The following ARHGAP12 variants were observed in gnomAD, a reference collection of about 807,000 sequenced individuals.
The protein encoded by ARHGAP12 is rho GTPase-activating protein 12.
ARHGAP12 carries 64 observed loss-of-function variants against 108.6 expected under a neutral mutation model. The ratio of observed to expected loss-of-function variants is 0.59; its 90% CI spans 0.48 to 0.73. The LOEUF (loss-of-function observed/expected upper bound fraction) is 0.73. ARHGAP12 is among the 30% of genes least tolerant of loss of function. The probability of loss-of-function intolerance (pLI) is 0.00; values close to 1 mark genes in which losing one functional copy is unlikely to be tolerated. For synonymous variants in ARHGAP12, 312 were observed against 337.2 expected, an observed-to-expected ratio of 0.93 and a Z score of 0.82; for missense variants, 940 against 1,005.9, an observed-to-expected ratio of 0.93 and a Z score of 0.89.
chr10:31,915,224 TA>T (rs1839505416), intron 1 of ARHGAP12, among the ~76,000 whole-genome samples: 1 of 152,018 alleles, frequency 6.6e-6, no homozygotes, highest in Non-Finnish European at 1.5e-5. Flanking sequence ...CCGTCTCTAC[TA>T]AAAATACAAA....
chr10:31,925,763 A>G (rs1427363850), intron 1 of ARHGAP12, among the ~76,000 whole-genome samples: 1 of 152,254 alleles, frequency 6.6e-6, no homozygotes, highest in Admixed American at 6.5e-5. Context: ...TTTAGACTCC[A>G]AAACTGTTGT....
chr10:31,891,796 C>A (rs1030090455), intron 3 of ARHGAP12, among the ~76,000 whole-genome samples: 1 of 152,074 alleles, frequency 6.6e-6, no homozygotes, highest in African/African-American at 2.4e-5. Context: ...ATTCTTTTTT[C>A]TCTAAACTTC....
chr10:31,852,117 A>G (rs763831100), intron 6 of ARHGAP12, among the ~76,000 whole-genome samples: 8 of 152,212 alleles, frequency 5.3e-5, no homozygotes, highest in African/African-American at 1.2e-4. Context: ...CACCATTTAC[A>G]TAAGAGGATA....
chr10:31,899,482 A>T (rs1251719603), intron 3 of ARHGAP12, among the ~76,000 whole-genome samples: 3 of 152,234 alleles, frequency 2.0e-5, no homozygotes, highest in Non-Finnish European at 4.4e-5. Flanking sequence ...TACTTTCAAC[A>T]CTTACTATAA....
chr10:31,837,677 T>G (rs1346049729), intron 9 of ARHGAP12, among the ~76,000 whole-genome samples: 1 of 152,194 alleles, frequency 6.6e-6, no homozygotes, highest in Non-Finnish European at 1.5e-5. Flanking sequence ...AACCCCTGAT[T>G]AGTGCCAAAA....
At chr10:31,809,440 T>G in intron 16 of ARHGAP12, 133 bp from the exon 17 acceptor site, 1 of 774,284 alleles carries the variant, frequency 1.3e-6, no homozygotes, top group African/African-American at 1.7e-5. Context: ...ATTCTTTTTC[T>G]CTAAATGGCT....
intron 3 of ARHGAP12, among the ~76,000 whole-genome samples, chr10:31,893,516 G>A (rs549315130): frequency 6.6e-6 from 1 of 152,180 alleles, no homozygotes; most frequent in Non-Finnish European, 1.5e-5. Context: ...TAAATTCCTC[G>A]ACTCATACAC....
chr10:31,904,489 AC>A (rs1293137283), intron 3 of ARHGAP12, among the ~76,000 whole-genome samples: 3 of 152,192 alleles, frequency 2.0e-5, no homozygotes, highest in Admixed American at 6.5e-5. Context: ...AGGGCAACAT[AC>A]AGGATTCCCG....
In ARHGAP12 at chr10:31,808,681, G is replaced by T; in HGVS notation, c.2334C>A (p.Asp778Glu). ...LIRQLPKPNQ[D>E]TMQILFRHLR... The stretch of plus-strand genomic sequence containing the variant: ...GATGTCGGAAAAGAATCTGCATTGT[G>T]TCTTGGTTTGGCTTTGGCAACTGTC... Residue 778 changes from aspartate to glutamate, a missense_variant, in exon 19 of 20, where the codon GAC (aspartate) becomes GAA (glutamate). Coordinates refer to ENST00000344936, the MANE Select transcript of ARHGAP12 (RefSeq NM_018287.7). The T allele has an allele frequency of 6.2e-7, 1 of 1,613,622 alleles. No individual in the cohort carries two copies.
intron 3 of ARHGAP12, among the ~76,000 whole-genome samples, chr10:31,868,690 C>G (rs948609054): frequency 1.3e-5 from 2 of 151,830 alleles, no homozygotes; most frequent in Admixed American, 6.6e-5. Flanking sequence ...AATCCCAGCA[C>G]CTTGGGAGGT....
At chr10:31,873,999 A>G (rs991575419) in intron 3 of ARHGAP12, among the ~76,000 whole-genome samples, 3 of 152,218 alleles carry the variant, frequency 2.0e-5, no homozygotes, top group African/African-American at 7.2e-5. Flanking sequence ...CTCTATCATC[A>G]GCATTCAGAG....
chr10:31,893,431 A>T (rs1427740118), intron 3 of ARHGAP12, among the ~76,000 whole-genome samples: 1 of 152,260 alleles, frequency 6.6e-6, no homozygotes, highest in East Asian at 1.9e-4. Context: ...CCGATCCCAC[A>T]GAAATACAAA....
chr10:31,810,972 C>T (rs1181890480), intron 15 of ARHGAP12, among the ~76,000 whole-genome samples: 1 of 152,180 alleles, frequency 6.6e-6, no homozygotes, highest in Non-Finnish European at 1.5e-5. Context: ...ATTCTTTGTA[C>T]TTTCTACTGC....
At chr10:31,821,584 C>T (rs1835419680) in intron 11 of ARHGAP12, among the ~76,000 whole-genome samples, 1 of 152,108 alleles carries the variant, frequency 6.6e-6, no homozygotes, top group African/African-American at 2.4e-5. Flanking sequence ...TTTGTGATAA[C>T]TTATTCACTA....
chr10:31,915,013 C>A (rs770205835), intron 1 of ARHGAP12, among the ~76,000 whole-genome samples: 1 of 152,172 alleles, frequency 6.6e-6, no homozygotes, highest in Non-Finnish European at 1.5e-5. Flanking sequence ...GTGGACGTTA[C>A]GTTGAATGAA....
rs200030472 is a variant in ARHGAP12 at position 31,908,636 on chromosome 10, G to T, written c.220C>A (p.Arg74Ser). 6.2e-7 allele frequency: 1 copy of T among 1,614,002 alleles called. No homozygotes were observed. The highest frequency in any genetic ancestry group is 1.3e-5 in the African/African-American group (1 of 74,882). Reference protein sequence around the residue: ...VPAQYVKEVTRKALMPPVKQV... With the variant: ...VPAQYVKEVTSKALMPPVKQV... ...TTAACAGGTGGCATGAGAGCTTTGCGCGTGACCTCCTTCACATACTGGGCT... is the reference window on the plus strand; with the variant it reads ...TTAACAGGTGGCATGAGAGCTTTGCTCGTGACCTCCTTCACATACTGGGCT... The change falls in exon 3 of 20, where the codon CGC (arginine) becomes AGC (serine). Residue 74 changes from arginine to serine, a missense_variant. Transcript: ENST00000344936.
chr10:31,874,698 G>A (rs1837659180), intron 3 of ARHGAP12, among the ~76,000 whole-genome samples: 1 of 152,004 alleles, frequency 6.6e-6, no homozygotes, highest in African/African-American at 2.4e-5. Flanking sequence ...TTCAGTCCAG[G>A]TGCAGTGGCT....
intron 9 of ARHGAP12, among the ~76,000 whole-genome samples, chr10:31,837,809 AC>A (rs1836085516): frequency 6.6e-6 from 1 of 152,196 alleles, no homozygotes. Flanking sequence ...AATTTCATAA[AC>A]TAGAGAAGCC....
rs1228008935 is a variant in ARHGAP12 at position 31,805,711 on chromosome 10, CAATTTTAATCTT to C, written c.*1935_*1946del. 1.3e-5 allele frequency: 2 copies of C among 149,348 alleles called. No homozygotes were observed. Among genetic ancestry groups the C allele is most frequent in the African/African-American group, 5.0e-5 (2 of 39,756 alleles). 9.3% of individuals were successfully genotyped at this position (149,348 alleles called of 1,614,324 possible). A position where few individuals can be genotyped will look rare whatever the true frequency, so the allele number is the denominator to read the frequency against. Reference sequence around the variant, plus strand: ...GTACCTTGAAACAAGAAACACAGGACAATTTTAATCTTTGATATATGTTCATGAACACCAAGA... The same window carrying C: ...GTACCTTGAAACAAGAAACACAGGACTGATATATGTTCATGAACACCAAGA... On this transcript the variant is annotated 3_prime_UTR_variant, in exon 20 of 20. Coordinates refer to ENST00000344936, the MANE Select transcript of ARHGAP12 (RefSeq NM_018287.7).
Sources: allele counts gnomAD v4.1 joint callset (sites outside exome capture counted in the v4.1 genomes callset), GRCh38; gene constraint gnomAD v4.1.1; transcripts MANE v1.5; gene names NCBI Gene and HGNC (gene_info 2026-07-23, HGNC 2026-07-21).